VAC14: variants seen among roughly 807,000 people sequenced by gnomAD.
The protein encoded by VAC14 is VAC14 component of PIKFYVE complex, also known as protein VAC14 homolog.
Under a neutral mutation model 85.3 loss-of-function variants are expected in VAC14, and 47 were observed. The ratio of observed to expected loss-of-function variants is 0.55; its 90% confidence interval spans 0.44 to 0.70. VAC14 has a LOEUF of 0.70. Ranked by LOEUF, VAC14 falls within the 30% of genes least tolerant of loss-of-function variation. The probability of loss-of-function intolerance (pLI) is 0.00; values close to 1 mark genes in which losing one functional copy is unlikely to be tolerated. For synonymous variants in VAC14, 447 were observed against 430.5 expected, an observed-to-expected ratio of 1.04 and a Z score of -0.47; for missense variants, 861 against 1,004.3, an observed-to-expected ratio of 0.86 and a Z score of 1.93.
chr16:70,756,029 G>A (rs911043780), intron 12 of VAC14: 1 of 456,636 alleles, frequency 2.2e-6, no homozygotes, highest in African/African-American at 2.0e-5. Context: ...GATGAGCCCT[G>A]GGACCCAGCT....
chr16:70,776,023 T>C (rs1194040190), intron 9 of VAC14, among the ~76,000 whole-genome samples: 1 of 152,252 alleles, frequency 6.6e-6, no homozygotes, highest in Non-Finnish European at 1.5e-5. Context: ...ACAGTACCTA[T>C]ACCCTAAGCT....
chr16:70,688,332 G>A, intron 18 of VAC14: 1 of 1,172,156 alleles, frequency 8.5e-7, no homozygotes, highest in Non-Finnish European at 1.1e-6. Flanking sequence ...CCCTCGGCCT[G>A]TGGGCTGGCG....
chr16:70,758,090 G>A (rs944794528), intron 12 of VAC14, among the ~76,000 whole-genome samples: 3 of 151,892 alleles, frequency 2.0e-5, no homozygotes, highest in African/African-American at 7.3e-5. Flanking sequence ...CATCATAAGT[G>A]AATAAAACCT....
intron 14 of VAC14, among the ~76,000 whole-genome samples, chr16:70,711,566 T>C (rs1024053663): frequency 7.9e-5 from 12 of 152,116 alleles, no homozygotes; most frequent in Non-Finnish European, 7.4e-5. Context: ...AGGTCAGCTC[T>C]TGGGCAAGAC....
At chr16:70,736,261 A>G (rs2054748264) in intron 13 of VAC14, among the ~76,000 whole-genome samples, 1 of 152,220 alleles carries the variant, frequency 6.6e-6, no homozygotes, top group Non-Finnish European at 1.5e-5. Context: ...CCGGGTCCGG[A>G]GCCTGCCGCA....
intron 14 of VAC14, among the ~76,000 whole-genome samples, chr16:70,725,127 C>T (rs1429620591): frequency 9.8e-5 from 15 of 152,394 alleles, no homozygotes; most frequent in African/African-American, 3.4e-4. Flanking sequence ...ATTCGCCATC[C>T]ATTAGCACCA....
At position 70,736,602 on chromosome 16, in the gene VAC14, A is replaced by C. The variant is rs141257512; in HGVS notation, c.1529-4975T>G. ...TCTGAACTCCTTAGCCACAGCCCCT[A>C]GTGTGGACCCAAAATGGACTCTCAA... On this transcript the variant is annotated intron_variant, in intron 13 of 18. Coordinates refer to ENST00000261776, the MANE Select transcript of VAC14 (RefSeq NM_018052.5). 1.4e-3 allele frequency among the ~76,000 whole-genome samples: 209 copies of C among 152,272 alleles called. 1 individual carries two copies. Among genetic ancestry groups the C allele is most frequent in the African/African-American group, 4.4e-3 (183 of 41,552 alleles).
chr16:70,688,800 T>G, intron 18 of VAC14: 2 of 985,634 alleles, frequency 2.0e-6, no homozygotes, highest in Non-Finnish European at 2.4e-6. Flanking sequence ...TCAAGCCCAG[T>G]GCTTAGCTTG....
chr16:70,711,422 C>G lies in VAC14; in HGVS notation c.1662-12611G>C, dbSNP rs113676323. 3.5e-4 allele frequency among the ~76,000 whole-genome samples: 54 copies of G among 152,262 alleles called. 2 individuals carry two copies. Among genetic ancestry groups the G allele is most frequent in the African/African-American group, 1.1e-3 (45 of 41,556 alleles). On this transcript the variant is annotated intron_variant, in intron 14 of 18. Transcript: ENST00000261776. ...ACTTGCCTTCTTGAGGCCCCACCCC[C>G]ACCTGTGCAGAGTCTGGGTCCTGGT...
intron 14 of VAC14, among the ~76,000 whole-genome samples, chr16:70,706,974 C>T (rs1226773457): frequency 3.3e-5 from 5 of 152,206 alleles, no homozygotes; most frequent in Non-Finnish European, 7.3e-5. Context: ...CCGCTCCCAC[C>T]GGAAAAGGGC....
chr16:70,762,817 C>T lies in VAC14; in HGVS notation c.1305+64G>A. ...TGACCAAAATGCTACCAACTATGGG[C>T]AGGCCCTGGAAAACCAAGGCGGACC... On this transcript the variant is annotated intron_variant, in intron 11 of 18. Transcript: ENST00000261776. The surrounding 1 kb of genome is among the most constrained non-coding windows in gnomAD (Gnocchi z 4.1). 1 of 1,608,598 alleles carries T rather than the reference C, an allele frequency of 6.2e-7. No homozygotes were observed. The highest frequency in any genetic ancestry group is 1.1e-5 in the South Asian group (1 of 90,382).
chr16:70,732,173 G>A (rs1025609544), intron 13 of VAC14, among the ~76,000 whole-genome samples: 2 of 152,210 alleles, frequency 1.3e-5, no homozygotes, highest in Non-Finnish European at 2.9e-5. Flanking sequence ...AATCTGACCT[G>A]AGGAAAAGGA....
chr16:70,760,463 C>A (rs577556838), intron 12 of VAC14, among the ~76,000 whole-genome samples: 1 of 152,116 alleles, frequency 6.6e-6, no homozygotes, highest in Non-Finnish European at 1.5e-5. Context: ...GGGGTAAGAT[C>A]AGGACTCATC....
At chr16:70,777,579 ACTGTG>A (rs2033585591) in intron 9 of VAC14, among the ~76,000 whole-genome samples, 1 of 152,224 alleles carries the variant, frequency 6.6e-6, no homozygotes, top group South Asian at 2.1e-4. Flanking sequence ...GGGAAACGGC[ACTGTG>A]CTGTGGATGG....
At chr16:70,722,120 G>A (rs1271292477) in intron 14 of VAC14, among the ~76,000 whole-genome samples, 1 of 152,168 alleles carries the variant, frequency 6.6e-6, no homozygotes, top group African/African-American at 2.4e-5. Flanking sequence ...ATGACCCAAG[G>A]CCCCCACTCT....
intron 16 of VAC14, 77 bp downstream of exon 16, chr16:70,697,062 G>A (rs757411652): frequency 1.5e-5 from 19 of 1,260,746 alleles, no homozygotes; most frequent in Non-Finnish European, 1.9e-5. Context: ...GGGCCCGCCT[G>A]TTGGGTGGAA....
chr16:70,690,896 G>C (rs1307119307), intron 18 of VAC14: 24 of 985,294 alleles, frequency 2.4e-5, no homozygotes, highest in Non-Finnish European at 2.9e-5. Flanking sequence ...TGAAGGCTAG[G>C]GGGTGTCTCA....
intron 13 of VAC14, among the ~76,000 whole-genome samples, chr16:70,742,513 A>C (rs1457977344): frequency 1.3e-5 from 2 of 152,244 alleles, no homozygotes; most frequent in Admixed American, 6.5e-5. Flanking sequence ...CGAGGGACAG[A>C]GGGTGGGAGT....
chr16:70,784,672 T>C, intron 4 of VAC14, 104 bp downstream of exon 4: 1 of 1,147,992 alleles, frequency 8.7e-7, no homozygotes, highest in Admixed American at 1.8e-5. Flanking sequence ...TTAAAATATA[T>C]TTTAAATTCA....
Sources: allele counts gnomAD v4.1 joint callset (sites outside exome capture counted in the v4.1 genomes callset), GRCh38; gene constraint gnomAD v4.1.1; non-coding constraint Gnocchi (gnomAD v3.1); transcripts MANE v1.5; gene names NCBI Gene and HGNC (gene_info 2026-07-23, HGNC 2026-07-21).